RFC3: variants seen among roughly 807,000 people sequenced by gnomAD.
RFC3 encodes the protein A1 38 kDa subunit.
RFC3 carries 41 observed loss-of-function variants against 45.1 expected under a neutral mutation model. The ratio of observed to expected loss-of-function variants is 0.91; its 90% CI spans 0.71 to 1.18. The LOEUF (loss-of-function observed/expected upper bound fraction) is 1.18, where lower values mean the gene tolerates loss of function less well. RFC3 is among the 50% of genes most tolerant of loss of function. The probability of loss-of-function intolerance (pLI) is 0.00; values close to 1 mark genes in which losing one functional copy is unlikely to be tolerated. For missense variants in RFC3, 423 were observed against 428.1 expected (o/e 0.99, Z 0.10); for synonymous variants, 149 against 144.0 (o/e 1.03, Z -0.25).
chr13:33,952,171 G>A (rs1010834688), intron 8 of RFC3, among the ~76,000 whole-genome samples: 2 of 152,222 alleles, frequency 1.3e-5, no homozygotes, highest in Non-Finnish European at 2.9e-5. Context: ...TTCTCAGCAA[G>A]CAGTCAATAG....
chr13:33,915,938 A>C (rs2082730622), intron 8 of RFC3, among the ~76,000 whole-genome samples: 1 of 152,044 alleles, frequency 6.6e-6, no homozygotes, highest in South Asian at 2.1e-4. Context: ...AGTTGGGACT[A>C]TAGGCGCACT....
chr13:33,839,828 T>C (rs866265010), downstream of RFC3, among the ~76,000 whole-genome samples: 10 of 152,326 alleles, frequency 6.6e-5, no homozygotes, highest in Middle Eastern at 6.8e-3. Context: ...AAAAATGTCT[T>C]TGTTTTGCAT....
At chr13:33,822,797 A>G (rs894281318) in intron 2 of RFC3, among the ~76,000 whole-genome samples, 2 of 152,216 alleles carry the variant, frequency 1.3e-5, no homozygotes, top group Non-Finnish European at 2.9e-5. Context: ...TCCTGGGTCA[A>G]TAAAACCTTT....
chr13:33,841,731 C>T (rs1410971072), downstream of RFC3, among the ~76,000 whole-genome samples: 1 of 152,090 alleles, frequency 6.6e-6, no homozygotes, highest in Non-Finnish European at 1.5e-5. Flanking sequence ...ATTTGATTAT[C>T]AGCTTGTTGT....
chr13:33,843,990 TG>T (rs2082218992), intron 8 of RFC3, among the ~76,000 whole-genome samples: 1 of 152,220 alleles, frequency 6.6e-6, no homozygotes, highest in African/African-American at 2.4e-5. Flanking sequence ...CCATCTTCCT[TG>T]TTAAGCTTCC....
At chr13:33,854,736 T>G (rs2082298092) in intron 8 of RFC3, among the ~76,000 whole-genome samples, 1 of 152,040 alleles carries the variant, frequency 6.6e-6, no homozygotes, top group Admixed American at 6.6e-5. Context: ...TATGGGAAAA[T>G]GGAAATAGAG....
At chr13:33,860,046 G>A (rs1035768094) in intron 8 of RFC3, among the ~76,000 whole-genome samples, 3 of 152,190 alleles carry the variant, frequency 2.0e-5, no homozygotes, top group Non-Finnish European at 2.9e-5. Flanking sequence ...AAGACCATGT[G>A]AGGACACAGC....
In RFC3 at chr13:33,836,850, G is replaced by C; in HGVS notation, c.*555G>C. 1 of 985,634 alleles carries C rather than the reference G, an allele frequency of 1.0e-6. No individual in the cohort carries two copies. Among genetic ancestry groups the C allele is most frequent in the African/African-American group, 1.7e-5 (1 of 57,336 alleles). The allele number at this position is 985,634 out of a possible 1,614,324, so 61.1% of individuals were successfully genotyped here. A position where few individuals can be genotyped will look rare whatever the true frequency, so the allele number is the denominator to read the frequency against. ...TTCCAACTTTTATTTCAGTGGTTCA[G>C]ATTAGTATTAGGTCGGTACTAAGAA... On this transcript the variant is annotated 3_prime_UTR_variant, in exon 9 of 9. Coordinates refer to ENST00000380071, the MANE Select transcript of RFC3 (RefSeq NM_002915.4).
intron 8 of RFC3, among the ~76,000 whole-genome samples, chr13:33,843,780 G>A (rs193219538): frequency 2.5e-4 from 38 of 152,226 alleles, no homozygotes; most frequent in African/African-American, 7.7e-4. Context: ...ACTGCCCAAC[G>A]GACATATGTT....
intron 8 of RFC3, among the ~76,000 whole-genome samples, chr13:33,868,509 T>C (rs1249719123): frequency 6.6e-6 from 1 of 152,220 alleles, no homozygotes; most frequent in African/African-American, 2.4e-5. Flanking sequence ...ATCAGGCTGG[T>C]CATGGGGCAA....
intron 8 of RFC3, among the ~76,000 whole-genome samples, chr13:33,937,328 A>G (rs965880068): frequency 9.2e-5 from 14 of 152,184 alleles, no homozygotes; most frequent in Non-Finnish European, 2.1e-4. Flanking sequence ...ATCTAGGTTT[A>G]TGTAAGTACA....
intron 8 of RFC3, among the ~76,000 whole-genome samples, chr13:33,854,361 A>G (rs925135686): frequency 2.6e-5 from 4 of 152,202 alleles, no homozygotes; most frequent in African/African-American, 9.6e-5. Flanking sequence ...TAGACTAGAG[A>G]AGAAAAAGGA....
At chr13:33,850,972 T>G (rs979453102) in intron 8 of RFC3, 6 of 152,160 alleles carry the variant, frequency 3.9e-5, no homozygotes, top group Non-Finnish European at 5.9e-5. Flanking sequence ...CAAAATAAAT[T>G]CAGTTGGAAG....
chr13:33,964,962 C>T (rs1191892899), intron 8 of RFC3, among the ~76,000 whole-genome samples: 2 of 140,840 alleles, frequency 1.4e-5, no homozygotes, highest in African/African-American at 2.6e-5. Flanking sequence ...AGTGATGTGG[C>T]CACAAGCCAA....
intron 8 of RFC3, among the ~76,000 whole-genome samples, chr13:33,870,470 G>A (rs1245946593): frequency 2.0e-5 from 3 of 152,184 alleles, no homozygotes; most frequent in Admixed American, 6.5e-5. Context: ...CAGCCACCTG[G>A]AGCAAAAACA....
chr13:33,899,906 T>G (rs1662360349), intron 8 of RFC3, among the ~76,000 whole-genome samples: 1 of 151,580 alleles, frequency 6.6e-6, no homozygotes. Context: ...GAAAAATAAG[T>G]CAAGAAAGAA....
downstream of RFC3, among the ~76,000 whole-genome samples, chr13:33,969,910 GTTT>G (rs61104193): frequency 1.5e-5 from 2 of 130,394 alleles, no homozygotes. Flanking sequence ...TGTCAGATTT[GTTT>G]TTTTTTTTTT....
At chr13:33,899,204 C>CAAAAAAAAAAAAAAAAAAAAAAAAAAAA (rs59221382) in intron 8 of RFC3, among the ~76,000 whole-genome samples, 1 of 51,968 alleles carries the variant, frequency 1.9e-5, no homozygotes, top group African/African-American at 6.7e-5. Flanking sequence ...CACAATAAGA[C>CAAAAAAAAAAAAAAAAAAAAAAAAAAAA]AAAAAAAAAA....
chr13:33,821,573 A>C (rs1380029855), intron 2 of RFC3, among the ~76,000 whole-genome samples: 2 of 152,196 alleles, frequency 1.3e-5, no homozygotes, highest in Non-Finnish European at 2.9e-5. Flanking sequence ...AGGTTTCCAG[A>C]CTTCATTTTT....
Sources: allele counts gnomAD v4.1 joint callset (sites outside exome capture counted in the v4.1 genomes callset), GRCh38; gene constraint gnomAD v4.1.1; transcripts MANE v1.5; gene names NCBI Gene and HGNC (gene_info 2026-07-23, HGNC 2026-07-21).